CNTNAP2: variants seen among roughly 807,000 people sequenced by gnomAD.
CNTNAP2 encodes contactin-associated protein-like 2.
In CNTNAP2, 98 loss-of-function variants were observed where a neutral mutation model predicts 155.2. That is an observed-to-expected ratio of 0.63 (90% CI 0.54 to 0.75). The LOEUF (loss-of-function observed/expected upper bound fraction) is 0.75. CNTNAP2 is among the 30% of genes least tolerant of loss of function. CNTNAP2 has a pLI of 0.00. For missense variants in CNTNAP2, 1,727 were observed against 1,688.1 expected, an observed-to-expected ratio of 1.02 and a Z score of -0.40; for synonymous variants, 651 against 631.2, an observed-to-expected ratio of 1.03 and a Z score of -0.47.
chr7:146,148,370 T>A (rs1489470759), intron 1 of CNTNAP2, among the ~76,000 whole-genome samples: 2 of 152,120 alleles, frequency 1.3e-5, no homozygotes, highest in African/African-American at 2.4e-5. Flanking sequence ...ATAACATTGC[T>A]CGTCTGTTTC....
Position 146,523,211 on chromosome 7 carries a change from C to T in CNTNAP2, c.98-251060C>T, listed in dbSNP as rs1278190351. 8.6e-5 allele frequency among the ~76,000 whole-genome samples: 13 copies of T among 151,962 alleles called. 1 individual carries two copies. Among genetic ancestry groups the T allele is most frequent in the Admixed American group, 8.5e-4 (13 of 15,206 alleles). On this transcript the variant is annotated intron_variant, in intron 1 of 23. Coordinates refer to ENST00000361727, the MANE Select transcript of CNTNAP2 (RefSeq NM_014141.6). ...TTCTTATGCTTTTTTGTCCTCATAG[C>T]TTAGATAGAATAGCCAGATATAAAT...
intron 1 of CNTNAP2, among the ~76,000 whole-genome samples, chr7:146,164,695 GA>G (rs1305917873): frequency 6.6e-6 from 1 of 152,138 alleles, no homozygotes; most frequent in Non-Finnish European, 1.5e-5. Flanking sequence ...CATTGCTTTG[GA>G]CATTGATTCT....
Position 146,548,648 on chromosome 7 carries a change from T to C in CNTNAP2, c.98-225623T>C, listed in dbSNP as rs185727351. On this transcript the variant is annotated intron_variant, in intron 1 of 23. Coordinates refer to ENST00000361727, the MANE Select transcript of CNTNAP2 (RefSeq NM_014141.6). ...CTTGTGTGTCTTCTTTGGATGAAAG[T>C]CTGGTCAAGTCCATAGCTCATTTTT... is the stretch of plus-strand genomic sequence containing the variant. Among the ~76,000 whole-genome samples, 132 of 152,130 alleles carry C rather than the reference T, an allele frequency of 8.7e-4. 1 individual carries two copies. The highest frequency in any genetic ancestry group is 3.0e-3 in the African/African-American group (123 of 41,540).
intron 1 of CNTNAP2, among the ~76,000 whole-genome samples, chr7:146,307,722 A>T (rs1800740491): frequency 6.6e-6 from 1 of 152,176 alleles, no homozygotes. Flanking sequence ...AATAACATGA[A>T]ATGAGTAAAG....
intron 13 of CNTNAP2, among the ~76,000 whole-genome samples, chr7:147,787,480 C>A (rs951759640): frequency 6.6e-6 from 1 of 152,164 alleles, no homozygotes; most frequent in Non-Finnish European, 1.5e-5. Flanking sequence ...TCATTGTATA[C>A]CACATGGTTA....
intron 1 of CNTNAP2, among the ~76,000 whole-genome samples, chr7:146,380,872 A>ACTG (rs1358035430): frequency 8.1e-6 from 1 of 123,430 alleles, no homozygotes; most frequent in African/African-American, 3.1e-5. Context: ...ATCTCGGCTC[A>ACTG]CTGCAGGCTC....
At chr7:146,617,815 G>A (rs1799251742) in intron 1 of CNTNAP2, among the ~76,000 whole-genome samples, 1 of 151,982 alleles carries the variant, frequency 6.6e-6, no homozygotes, top group South Asian at 2.1e-4. Flanking sequence ...AATTTCTCAG[G>A]TCCTGCATAA....
At chr7:147,894,155 C>T (rs1052464178) in intron 13 of CNTNAP2, 3 of 152,180 alleles carry the variant, frequency 2.0e-5, no homozygotes, top group Non-Finnish European at 4.4e-5. Flanking sequence ...AGGAAAGTTT[C>T]TCACAGGTGC....
At position 146,755,511 on chromosome 7, in the gene CNTNAP2, T is replaced by C. The variant is rs117191941; in HGVS notation, c.98-18760T>C. Among the ~76,000 whole-genome samples the C allele has an allele frequency of 4.5e-3, 680 of 152,150 alleles. 4 individuals are homozygous for C. The highest frequency in any genetic ancestry group is 7.1e-3 in the Non-Finnish European group (479 of 67,872). ...GTTTATACTTCTCTTTGCAAACTGC[T>C]ATGTCACCTCCAGGATAACTTGTCA... On this transcript the variant is annotated intron_variant, in intron 1 of 23. Transcript: ENST00000361727.
chr7:147,522,786 AC>A (rs1799251542), intron 11 of CNTNAP2, among the ~76,000 whole-genome samples: 1 of 150,426 alleles, frequency 6.6e-6, no homozygotes, highest in African/African-American at 2.5e-5. Context: ...AAACAAAAAA[AC>A]AAAAAAAAAA....
chr7:148,264,496 A>G (rs1796631727), intron 20 of CNTNAP2, among the ~76,000 whole-genome samples: 1 of 152,216 alleles, frequency 6.6e-6, no homozygotes, highest in African/African-American at 2.4e-5. Context: ...GTTAAAAAAT[A>G]TACAAAACAA....
At chr7:146,218,115 G>A (rs1037865668) in intron 1 of CNTNAP2, among the ~76,000 whole-genome samples, 1 of 152,160 alleles carries the variant, frequency 6.6e-6, no homozygotes, top group African/African-American at 2.4e-5. Context: ...AATGGAAGCA[G>A]CCACTGCCCT....
chr7:147,394,502 A>C (rs1350922331), intron 9 of CNTNAP2, among the ~76,000 whole-genome samples: 1 of 152,002 alleles, frequency 6.6e-6, no homozygotes, highest in East Asian at 1.9e-4. Context: ...TCAGATTTGC[A>C]AGCAGACAAA....
chr7:146,609,975 G>T (rs1168684866), intron 1 of CNTNAP2, among the ~76,000 whole-genome samples: 1 of 152,172 alleles, frequency 6.6e-6, no homozygotes, highest in African/African-American at 2.4e-5. Context: ...CAGAAACTCT[G>T]AGGGCAGAGC....
chr7:147,406,585 T>C lies in CNTNAP2; in HGVS notation c.1670+10805T>C, dbSNP rs751119281. ...CAGATAGCATTGTCTAAAATTCTCA[T>C]GGCACCCATTGCTATATTAGAGATA... On this transcript the variant is annotated intron_variant, in intron 10 of 23. Transcript: ENST00000361727. Among the ~76,000 whole-genome samples the C allele has an allele frequency of 2.9e-4, 44 of 152,244 alleles. 1 individual carries two copies. The highest frequency in any genetic ancestry group is 7.7e-4 in the African/African-American group (32 of 41,470).
intron 15 of CNTNAP2, among the ~76,000 whole-genome samples, chr7:148,084,281 G>A (rs982430638): frequency 6.6e-6 from 1 of 152,174 alleles, no homozygotes; most frequent in Non-Finnish European, 1.5e-5. Flanking sequence ...AGAGGCTTTG[G>A]TGGTGCTAGG....
chr7:146,407,966 C>A (rs1172356036), intron 1 of CNTNAP2, among the ~76,000 whole-genome samples: 1 of 151,988 alleles, frequency 6.6e-6, no homozygotes, highest in African/African-American at 2.4e-5. Flanking sequence ...TGTAATAATG[C>A]AGTACCTCAT....
chr7:146,134,505 G>C (rs548571193), intron 1 of CNTNAP2, among the ~76,000 whole-genome samples: 4,958 of 151,676 alleles, frequency 0.033, 291 homozygotes, highest in African/African-American at 0.11. Flanking sequence ...CAAAGGGAAT[G>C]CTTCCAGTTT....
intron 9 of CNTNAP2, among the ~76,000 whole-genome samples, chr7:147,331,249 A>G (rs1314776657): frequency 6.6e-6 from 1 of 152,138 alleles, no homozygotes; most frequent in Non-Finnish European, 1.5e-5. Context: ...AAGGGCCTGA[A>G]GAATTCAGGT....
Sources: gnomAD v4.1 joint callset for allele counts (sites outside exome capture counted in the v4.1 genomes callset) on GRCh38, gnomAD v4.1.1 for gene constraint, MANE v1.5 for transcripts, NCBI Gene and HGNC (gene_info 2026-07-23, HGNC 2026-07-21) for gene names.